The following PDS5A variants were observed in gnomAD, a reference collection of about 807,000 sequenced individuals.
PDS5A encodes PDS5 cohesin associated factor A.
A neutral mutation model predicts 167.1 loss-of-function variants in PDS5A; 42 were observed. The ratio of observed to expected loss-of-function variants is 0.25; its 90% CI spans 0.20 to 0.33. PDS5A has a LOEUF of 0.33. Among genes scored for constraint, PDS5A ranks in the 10% least tolerant of loss-of-function variants. The pLI is 1.00. For missense variants in PDS5A, 1,033 were observed against 1,605.9 expected (o/e 0.64, Z 6.10); for synonymous variants, 553 against 554.6 (o/e 1.00, Z 0.04).
chr4:39,968,484 G>GC (rs1322348560), intron 2 of PDS5A, among the ~76,000 whole-genome samples: 1 of 149,916 alleles, frequency 6.7e-6, no homozygotes, highest in Non-Finnish European at 1.5e-5. Context: ...CCAGGCTGGA[G>GC]TGCAATGGCA....
intron 8 of PDS5A, among the ~76,000 whole-genome samples, 187 bp downstream of exon 8, chr4:39,916,861 C>T (rs751099996): frequency 2.6e-4 from 39 of 151,208 alleles, no homozygotes; most frequent in African/African-American, 8.3e-4. Flanking sequence ...AGCAAAACTC[C>T]GTCTCAAAAA....
intron 17 of PDS5A, among the ~76,000 whole-genome samples, chr4:39,888,241 CAAAAAA>C (rs34845975): frequency 1.8e-5 from 1 of 56,268 alleles, no homozygotes; most frequent in African/African-American, 6.6e-5. Flanking sequence ...AAGACTCCGG[CAAAAAA>C]AAAAAAAAAA....
At chr4:39,923,227 C>G (rs1010983291) in intron 5 of PDS5A, among the ~76,000 whole-genome samples, 3 of 149,814 alleles carry the variant, frequency 2.0e-5, no homozygotes, top group African/African-American at 7.4e-5. Context: ...TCTGGGGAGG[C>G]TAAGGCGGAA....
At position 39,969,865 on chromosome 4, in the gene PDS5A, T is replaced by A. The variant is rs1003008455; in HGVS notation, c.138+6575A>T. Among the ~76,000 whole-genome samples the A allele has an allele frequency of 1.2e-4, 18 of 152,052 alleles. 1 individual carries two copies. Among genetic ancestry groups the A allele is most frequent in the Admixed American group, 1.1e-3 (17 of 15,274 alleles). Reference sequence around the variant, plus strand: ...GAATGAAAAACAGACACGGTATCTGTATTAATAAGGTTTACAGAGAAGCTA... The same window carrying A: ...GAATGAAAAACAGACACGGTATCTGAATTAATAAGGTTTACAGAGAAGCTA... On this transcript the variant is annotated intron_variant, in intron 2 of 32. Coordinates refer to ENST00000303538, the MANE Select transcript of PDS5A (RefSeq NM_001100399.2).
chr4:39,903,058 G>A (rs543392842), intron 12 of PDS5A, among the ~76,000 whole-genome samples: 27 of 141,592 alleles, frequency 1.9e-4, no homozygotes, highest in African/African-American at 6.1e-4. Flanking sequence ...AGGCTGTTCC[G>A]CCTATTCTTC....
At chr4:39,836,810 CTTTTT>C (rs35685046) in intron 32 of PDS5A, among the ~76,000 whole-genome samples, 2 of 128,852 alleles carry the variant, frequency 1.6e-5, no homozygotes, top group African/African-American at 2.9e-5. Flanking sequence ...GCTTCAGTAA[CTTTTT>C]TTTTTTTTTT....
chr4:39,914,853 T>C (rs1724212802), intron 8 of PDS5A, among the ~76,000 whole-genome samples: 1 of 152,064 alleles, frequency 6.6e-6, no homozygotes, highest in Non-Finnish European at 1.5e-5. Context: ...AGATATCCAA[T>C]AAACAAAATA....
At chr4:39,911,321 G>A (rs1209822050) in intron 9 of PDS5A, among the ~76,000 whole-genome samples, 2 of 151,516 alleles carry the variant, frequency 1.3e-5, no homozygotes, top group Non-Finnish European at 2.9e-5. Flanking sequence ...GCTTGAACCC[G>A]CCAGGCAGAG....
intron 2 of PDS5A, among the ~76,000 whole-genome samples, chr4:39,954,697 A>AG (rs1451652696): frequency 5.0e-5 from 7 of 139,012 alleles, no homozygotes; most frequent in African/African-American, 2.0e-4. Context: ...AAAAAAAAAA[A>AG]CAGAAACAGA....
At chr4:39,949,532 T>C (rs867827784) in intron 2 of PDS5A, among the ~76,000 whole-genome samples, 1 of 151,656 alleles carries the variant, frequency 6.6e-6, no homozygotes, top group Admixed American at 6.6e-5. Flanking sequence ...ATGATAACTG[T>C]TCTAAAACTG....
chr4:39,923,001 A>C (rs1725130017), intron 5 of PDS5A, among the ~76,000 whole-genome samples: 1 of 152,140 alleles, frequency 6.6e-6, no homozygotes. Context: ...ATTTCTAATA[A>C]ACTACATTTT....
At chr4:39,888,238 C>T (rs534338157) in intron 17 of PDS5A, among the ~76,000 whole-genome samples, 19 of 111,398 alleles carry the variant, frequency 1.7e-4, no homozygotes, top group East Asian at 9.7e-4. Flanking sequence ...AGCAAGACTC[C>T]GGCAAAAAAA....
chr4:39,937,842 A>G (rs1298091620), intron 2 of PDS5A, among the ~76,000 whole-genome samples: 1 of 152,214 alleles, frequency 6.6e-6, no homozygotes, highest in African/African-American at 2.4e-5. Flanking sequence ...CAACAATTTC[A>G]CCTCTGGTGG....
chr4:39,891,281 G>A (rs1176251293), intron 16 of PDS5A, among the ~76,000 whole-genome samples: 1 of 150,206 alleles, frequency 6.7e-6, no homozygotes, highest in Non-Finnish European at 1.5e-5. Flanking sequence ...GATCCAACCC[G>A]CCTCGGCCTC....
At chr4:39,891,713 A>G (rs114196185) in intron 16 of PDS5A, among the ~76,000 whole-genome samples, 383 of 152,300 alleles carry the variant, frequency 2.5e-3, no homozygotes, top group African/African-American at 8.7e-3. Context: ...CAGTTCTGGA[A>G]GAACATAGGT....
At position 39,824,480 on chromosome 4, in the gene PDS5A, G is replaced by A. The variant is rs1162550567; in HGVS notation, c.*1005C>T. The A allele has an allele frequency of 6.6e-6, 1 of 152,396 alleles. No individual in the cohort carries two copies. The highest frequency in any genetic ancestry group is 2.4e-5 in the African/African-American group (1 of 41,430). The allele number at this position is 152,396 out of a possible 1,614,324, so 9.4% of individuals were successfully genotyped here. A position where few individuals can be genotyped will look rare whatever the true frequency, so the allele number is the denominator to read the frequency against. On this transcript the variant is annotated 3_prime_UTR_variant, in exon 33 of 33. Transcript: ENST00000303538. Reference sequence around the variant, plus strand: ...AATGAGCCCAGACCATCAGACAAAAGCAAAACACTTATTTCCAAATAGCAC... The same window carrying A: ...AATGAGCCCAGACCATCAGACAAAAACAAAACACTTATTTCCAAATAGCAC...
At chr4:39,975,817 A>G (rs1441117115) in intron 2 of PDS5A, among the ~76,000 whole-genome samples, 1 of 152,202 alleles carries the variant, frequency 6.6e-6, no homozygotes, top group Non-Finnish European at 1.5e-5. Flanking sequence ...ACAGAAACCA[A>G]AAAAACTAAC....
intron 2 of PDS5A, among the ~76,000 whole-genome samples, chr4:39,958,875 C>T (rs758908112): frequency 6.6e-6 from 1 of 152,098 alleles, no homozygotes; most frequent in Non-Finnish European, 1.5e-5. Flanking sequence ...TCCTAAAGTG[C>T]CGGTATTATA....
chr4:39,923,363 A>C (rs1030808823), intron 5 of PDS5A, among the ~76,000 whole-genome samples: 9 of 151,460 alleles, frequency 5.9e-5, no homozygotes, highest in Non-Finnish European at 1.3e-4. Flanking sequence ...AAAAAGGAAA[A>C]GGAAAAAAAG....
Sources: gnomAD v4.1 joint callset for allele counts (sites outside exome capture counted in the v4.1 genomes callset) on GRCh38, gnomAD v4.1.1 for gene constraint, MANE v1.5 for transcripts, NCBI Gene and HGNC (gene_info 2026-07-23, HGNC 2026-07-21) for gene names.